The following EPAS1 variants were observed in gnomAD, a reference collection of about 807,000 sequenced individuals.
EPAS1 encodes endothelial PAS domain-containing protein 1.
A neutral mutation model predicts 87.9 loss-of-function variants in EPAS1; 23 were observed. The ratio of observed to expected loss-of-function variants is 0.26; its 90% confidence interval spans 0.19 to 0.37. The LOEUF (loss-of-function observed/expected upper bound fraction) is 0.37, where lower values mean the gene tolerates loss of function less well. Ranked by LOEUF, EPAS1 falls within the 10% of genes least tolerant of loss-of-function variation. The pLI, the probability that EPAS1 is intolerant of heterozygous loss-of-function variation, is 1.00. For missense variants in EPAS1, 1,138 were observed against 1,120.7 expected, an observed-to-expected ratio of 1.02 and a Z score of -0.22; for synonymous variants, 508 against 444.3, an observed-to-expected ratio of 1.14 and a Z score of -1.80.
At chr2:46,382,116 T>A in intron 14 of EPAS1, 27 bp downstream of exon 14, 1 of 1,603,090 alleles carries the variant, frequency 6.2e-7, no homozygotes, top group Non-Finnish European at 8.5e-7. Flanking sequence ...GGCCTGGGCC[T>A]CCTGGGGGTT....
chr2:46,343,247 C>T (rs1683947639), intron 1 of EPAS1, among the ~76,000 whole-genome samples: 2 of 152,198 alleles, frequency 1.3e-5, no homozygotes, highest in African/African-American at 4.8e-5. Flanking sequence ...CTACTCTTAA[C>T]ATTCCAGGTG....
intron 3 of EPAS1, 65 bp downstream of exon 3, chr2:46,356,367 A>T: frequency 6.3e-7 from 1 of 1,598,350 alleles, no homozygotes; most frequent in Non-Finnish European, 8.6e-7. Flanking sequence ...AAATGAGTGG[A>T]AGGTGCTAGC....
intron 1 of EPAS1, among the ~76,000 whole-genome samples, chr2:46,302,003 G>C (rs1683010208): frequency 6.6e-6 from 1 of 152,080 alleles, no homozygotes; most frequent in South Asian, 2.1e-4. Flanking sequence ...TTGAGGTAGA[G>C]AACATTCAAG....
At chr2:46,339,608 A>C (rs1169504435) in intron 1 of EPAS1, among the ~76,000 whole-genome samples, 1 of 152,264 alleles carries the variant, frequency 6.6e-6, no homozygotes, top group East Asian at 1.9e-4. Context: ...TTTAGACTGT[A>C]GTGTGTGATC....
chr2:46,367,456 A>G (rs749574477), intron 6 of EPAS1, among the ~76,000 whole-genome samples: 58 of 152,246 alleles, frequency 3.8e-4, no homozygotes, highest in Non-Finnish European at 2.8e-4. Context: ...TCCCAGGCTA[A>G]GCTTGAAAGT....
chr2:46,361,842 T>C (rs978534896), intron 6 of EPAS1, among the ~76,000 whole-genome samples: 2 of 152,182 alleles, frequency 1.3e-5, no homozygotes, highest in African/African-American at 4.8e-5. Context: ...GGGAAGAGAC[T>C]GGGGTTGTCA....
Position 46,347,313 on chromosome 2 carries a change from G to T in EPAS1, c.217+250G>T, listed in dbSNP as rs1026591270. ...CAGGGAAGAACATGGGCACCCAGAG[G>T]CTGTGGAGAACACGGGCTGGGAGAA... On this transcript the variant is annotated intron_variant, in intron 2 of 15. Transcript: ENST00000263734. The surrounding 1 kb of genome is among the most constrained non-coding windows in gnomAD (Gnocchi z 4.2). The T allele has an allele frequency of 1.8e-6, 1 of 571,414 alleles. No homozygotes were observed. Among genetic ancestry groups the T allele is most frequent in the Non-Finnish European group, 3.1e-6 (1 of 319,254 alleles). 35.4% of individuals were successfully genotyped at this position (571,414 alleles called of 1,614,324 possible).
chr2:46,349,409 T>C (rs1684100357), intron 2 of EPAS1, among the ~76,000 whole-genome samples: 1 of 152,228 alleles, frequency 6.6e-6, no homozygotes, highest in Admixed American at 6.5e-5. Context: ...TGGGAACCCC[T>C]GTGTGCTAAA....
intron 1 of EPAS1, among the ~76,000 whole-genome samples, chr2:46,303,455 T>C (rs1165870907): frequency 1.3e-5 from 2 of 152,178 alleles, no homozygotes; most frequent in Admixed American, 6.5e-5. Context: ...TGAAATGGAA[T>C]GTTTGCTGTT....
Position 46,377,987 on chromosome 2 carries a change from AGAGCGAGGCTGG to A in EPAS1, c.1348_1359del (p.Glu450_Ser453del), listed in dbSNP as rs1384754114. 2 of 1,579,636 alleles carry A rather than the reference AGAGCGAGGCTGG, an allele frequency of 1.3e-6. No individual in the cohort carries two copies. Among genetic ancestry groups the A allele is most frequent in the Non-Finnish European group, 1.7e-6 (2 of 1,162,390 alleles). The stretch of plus-strand genomic sequence containing the variant: ...ACGGAGTTGAGGAGCCACAGCACCC[AGAGCGAGGCTGG>A]GAGCCTGCCTGCCTTCACCGTGCCC... On this transcript the variant is annotated inframe_deletion, in exon 10 of 16. Transcript: ENST00000263734.
At chr2:46,314,147 C>T (rs13403798) in intron 1 of EPAS1, among the ~76,000 whole-genome samples, 2 of 152,090 alleles carry the variant, frequency 1.3e-5, no homozygotes, top group African/African-American at 2.4e-5. Context: ...TCTCTCTTGG[C>T]ACCTTATTTT....
chr2:46,373,540 A>G (rs1684671677), intron 7 of EPAS1, among the ~76,000 whole-genome samples: 1 of 152,238 alleles, frequency 6.6e-6, no homozygotes, highest in Non-Finnish European at 1.5e-5. Context: ...AGATACTCCT[A>G]TACAATTCCA....
In EPAS1 at chr2:46,347,188, A is replaced by C; in HGVS notation, c.217+125A>C. 1 of 1,002,286 alleles carries C rather than the reference A, an allele frequency of 1.0e-6. No homozygotes were observed. Among genetic ancestry groups the C allele is most frequent in the Non-Finnish European group, 1.6e-6 (1 of 637,646 alleles). The allele number at this position is 1,002,286 out of a possible 1,614,324, so 62.1% of individuals were successfully genotyped here. On this transcript the variant is annotated intron_variant, in intron 2 of 15. Coordinates refer to ENST00000263734, the MANE Select transcript of EPAS1 (RefSeq NM_001430.5). This position sits in a 1 kb window ranked among gnomAD's most constrained non-coding sequence, Gnocchi z 4.2. ...CCACTACAGAACTTTCACCCACAGA[A>C]ACACCATCATGAGTGATTTATTCCT...
rs750806374 is a variant in EPAS1, at chr2:46,380,450, A to G, written c.1778A>G (p.Glu593Gly). 2 of 1,614,136 alleles carry G rather than the reference A, an allele frequency of 1.2e-6. No homozygotes were observed. The highest frequency in any genetic ancestry group is 3.3e-5 in the Admixed American group (2 of 60,020). Reference sequence around the variant, plus strand: ...CTGGACAAGTTTCAGCAGCAGCTGGAGAGCAAGAAGACAGAGCCCGAGCAC... The same window carrying G: ...CTGGACAAGTTTCAGCAGCAGCTGGGGAGCAAGAAGACAGAGCCCGAGCAC... ...FLLDKFQQQL[E>G]SKKTEPEHRP... The change falls in exon 12 of 16, where the codon GAG becomes GGG. Residue 593 changes from glutamate (E) to glycine (G), a missense_variant. Coordinates refer to ENST00000263734, the MANE Select transcript of EPAS1 (RefSeq NM_001430.5). This position sits in a 1 kb window ranked among gnomAD's most constrained non-coding sequence, Gnocchi z 4.4.
chr2:46,377,541 G>T (rs1684782158), intron 9 of EPAS1, among the ~76,000 whole-genome samples: 1 of 152,222 alleles, frequency 6.6e-6, no homozygotes, highest in Non-Finnish European at 1.5e-5. Flanking sequence ...GGCTTGTTTT[G>T]TGGCAGTACT....
At chr2:46,303,792 G>A (rs144271906) in intron 1 of EPAS1, among the ~76,000 whole-genome samples, 1 of 152,308 alleles carries the variant, frequency 6.6e-6, no homozygotes, top group East Asian at 1.9e-4. Context: ...TTTGGTGACT[G>A]TCTTATGTTT....
chr2:46,313,092 G>A (rs1683245619), intron 1 of EPAS1, among the ~76,000 whole-genome samples: 1 of 152,202 alleles, frequency 6.6e-6, no homozygotes, highest in Non-Finnish European at 1.5e-5. Flanking sequence ...GCTACTAGCA[G>A]AGAAACAGAG....
chr2:46,332,302 G>GTGTA (rs1683698517), intron 1 of EPAS1, among the ~76,000 whole-genome samples: 1 of 115,094 alleles, frequency 8.7e-6, no homozygotes, highest in African/African-American at 4.7e-5. Context: ...GTGTGTGTGT[G>GTGTA]TGTGTGTGTG....
At chr2:46,299,883 A>G (rs947115577) in intron 1 of EPAS1, among the ~76,000 whole-genome samples, 1 of 152,242 alleles carries the variant, frequency 6.6e-6, no homozygotes, top group South Asian at 2.1e-4. Flanking sequence ...ACTCCCAATT[A>G]TTGGCGAGAG....
Sources: allele counts gnomAD v4.1 joint callset (sites outside exome capture counted in the v4.1 genomes callset), GRCh38; gene constraint gnomAD v4.1.1; non-coding constraint Gnocchi (gnomAD v3.1); transcripts MANE v1.5; gene names NCBI Gene and HGNC (gene_info 2026-07-23, HGNC 2026-07-21).